Variants in NUP93 observed in about 807,000 individuals in gnomAD.
NUP93 encodes nucleoporin 93, also known as nuclear pore complex protein Nup93.
NUP93 carries 55 observed loss-of-function variants against 107.8 expected under a neutral mutation model. The ratio of observed to expected loss-of-function variants is 0.51; its 90% CI spans 0.41 to 0.64. The LOEUF is 0.64. Ranked by LOEUF, NUP93 falls within the 30% of genes least tolerant of loss-of-function variation. The pLI is 0.00. For missense variants in NUP93, 937 were observed against 1,044.7 expected, an observed-to-expected ratio of 0.90 and a Z score of 1.42; for synonymous variants, 390 against 397.5, an observed-to-expected ratio of 0.98 and a Z score of 0.22.
Position 56,839,701 on chromosome 16 carries a change from T to TA in NUP93, c.2220+98dup, listed in dbSNP as rs3214652. The TA allele has an allele frequency of 0.098, 95,178 of 971,966 alleles. 4,923 individuals carry two copies. The highest frequency in any genetic ancestry group is 0.16 in the East Asian group (5,985 of 38,440). The allele number at this position is 971,966 out of a possible 1,614,324, so 60.2% of individuals were successfully genotyped here. ...ACCTAACAGCTTTAAGAATTCTAGT[T>TA]ACAGTAACTATCCAGACTGAGTTTT... On this transcript the variant is annotated intron_variant, in intron 20 of 21. Transcript: ENST00000308159.
At chr16:56,736,482 A>G (rs1466455715) in intron 1 of NUP93, among the ~76,000 whole-genome samples, 2 of 152,232 alleles carry the variant, frequency 1.3e-5, no homozygotes, top group Non-Finnish European at 1.5e-5. Context: ...CCTGCTTGCT[A>G]TGGAAAAATG....
At chr16:56,809,373 G>A (rs1376717298) in intron 5 of NUP93, among the ~76,000 whole-genome samples, 1 of 151,426 alleles carries the variant, frequency 6.6e-6, no homozygotes, top group Non-Finnish European at 1.5e-5. Flanking sequence ...TAGTGATAAT[G>A]TAAAGCACCT....
intron 3 of NUP93, among the ~76,000 whole-genome samples, chr16:56,776,168 T>C (rs1354469501): frequency 1.3e-5 from 2 of 152,170 alleles, no homozygotes; most frequent in Non-Finnish European, 2.9e-5. Flanking sequence ...TTGAGAAAGC[T>C]ACATTTTATT....
At chr16:56,819,707 T>C (rs1175761368) in intron 6 of NUP93, among the ~76,000 whole-genome samples, 3 of 152,240 alleles carry the variant, frequency 2.0e-5, no homozygotes, top group African/African-American at 7.2e-5. Context: ...CTGCCAGTTA[T>C]TTAGTCAGTG....
At chr16:56,750,489 A>G (rs74246263) in intron 2 of NUP93, among the ~76,000 whole-genome samples, 6,561 of 152,322 alleles carry the variant, frequency 0.043, 205 homozygotes, top group African/African-American at 0.079. Context: ...TATTTGTCCA[A>G]ATACACTGTG....
chr16:56,785,349 C>A (rs1274775789), intron 3 of NUP93, among the ~76,000 whole-genome samples: 1 of 152,058 alleles, frequency 6.6e-6, no homozygotes, highest in Non-Finnish European at 1.5e-5. Flanking sequence ...GACCCAGTTT[C>A]TTCCTGCTTT....
In NUP93 at chr16:56,730,139, G is replaced by A. The variant is rs576691579; in HGVS notation, c.-87G>A. 5 of 152,356 alleles carry A rather than the reference G, an allele frequency of 3.3e-5. No individual in the cohort carries two copies. The highest frequency in any genetic ancestry group is 2.1e-4 in the South Asian group (1 of 4,836). 9.4% of individuals were successfully genotyped at this position (152,356 alleles called of 1,614,324 possible). ...CAGCCTTGGCCAATCAGGAAGCGGG[G>A]GAGAGCGGCGCGAGAAGCGGCGGCC... On this transcript the variant is annotated 5_prime_UTR_variant, in exon 1 of 22. Coordinates refer to ENST00000308159, the MANE Select transcript of NUP93 (RefSeq NM_014669.5).
intron 8 of NUP93, among the ~76,000 whole-genome samples, chr16:56,827,069 A>AAAT (rs1430722800): frequency 1.6e-4 from 20 of 125,704 alleles, no homozygotes; most frequent in Admixed American, 2.8e-4. Context: ...AAAAAAAAAA[A>AAAT]TTTTGTTGAG....
chr16:56,750,628 G>A (rs1961901110), intron 2 of NUP93, among the ~76,000 whole-genome samples: 2 of 152,092 alleles, frequency 1.3e-5, no homozygotes, highest in African/African-American at 4.8e-5. Flanking sequence ...TGTAAATCGG[G>A]TTTTACAGCC....
intron 2 of NUP93, among the ~76,000 whole-genome samples, chr16:56,749,726 G>A (rs572586354): frequency 6.6e-6 from 1 of 152,304 alleles, no homozygotes; most frequent in South Asian, 2.1e-4. Context: ...CAGTAAGGAT[G>A]TTGTGGAAAT....
rs533196065 is a variant in NUP93 at position 56,841,892 on chromosome 16, C to T, written c.2349+59C>T. ...AGCACCACCTTTCTGGTTTGGAATCCGTTGCGCTCTTATGAGACCACATGA... is the reference window on the plus strand; with the variant it reads ...AGCACCACCTTTCTGGTTTGGAATCTGTTGCGCTCTTATGAGACCACATGA... On this transcript the variant is annotated intron_variant, in intron 21 of 21. Coordinates refer to ENST00000308159, the MANE Select transcript of NUP93 (RefSeq NM_014669.5). 2.0e-5 allele frequency: 32 copies of T among 1,598,618 alleles called. No homozygotes were observed. The Admixed American group carries it at 3.4e-4, about 17-fold the overall frequency.
At chr16:56,768,288 G>A (rs1567381146) in intron 3 of NUP93, among the ~76,000 whole-genome samples, 1 of 152,350 alleles carries the variant, frequency 6.6e-6, no homozygotes, top group East Asian at 1.9e-4. Flanking sequence ...TTTTGGCTGG[G>A]CGCAGTGGCT....
intron 4 of NUP93, among the ~76,000 whole-genome samples, chr16:56,805,250 G>A (rs1567396453): frequency 6.6e-6 from 1 of 152,160 alleles, no homozygotes; most frequent in Admixed American, 6.5e-5. Context: ...GTTTTGCCAT[G>A]TTGCCTAAGC....
intron 3 of NUP93, among the ~76,000 whole-genome samples, chr16:56,777,284 C>T (rs1227375072): frequency 6.6e-6 from 1 of 152,144 alleles, no homozygotes; most frequent in Non-Finnish European, 1.5e-5. Flanking sequence ...CACCGAGGTG[C>T]ATTTCGTATC....
At chr16:56,781,349 A>C (rs1457545152) in intron 3 of NUP93, among the ~76,000 whole-genome samples, 1 of 152,230 alleles carries the variant, frequency 6.6e-6, no homozygotes, top group African/African-American at 2.4e-5. Flanking sequence ...GAGGCCAAAC[A>C]TTTAAGATGG....
At chr16:56,740,245 C>T (rs1263240955) in intron 1 of NUP93, among the ~76,000 whole-genome samples, 9 of 144,978 alleles carry the variant, frequency 6.2e-5, no homozygotes, top group East Asian at 4.3e-4. Flanking sequence ...AGCTGCCGGG[C>T]GGAGGGGCTC....
chr16:56,827,069 A>AAAAAAAAAAAAAAAAAAAAAAAAAAAAAT (rs1430722800), intron 8 of NUP93, among the ~76,000 whole-genome samples: 20 of 125,708 alleles, frequency 1.6e-4, no homozygotes, highest in Non-Finnish European at 2.2e-4. Context: ...AAAAAAAAAA[A>AAAAAAAAAAAAAAAAAAAAAAAAAAAAAT]TTTTGTTGAG....
chr16:56,827,402 C>A (rs1428341949), intron 8 of NUP93, among the ~76,000 whole-genome samples: 2 of 152,098 alleles, frequency 1.3e-5, no homozygotes, highest in African/African-American at 4.8e-5. Context: ...AAAGTAAAAC[C>A]GTTGAGTAAA....
At chr16:56,742,376 T>G (rs1440939883) in intron 1 of NUP93, among the ~76,000 whole-genome samples, 1 of 152,170 alleles carries the variant, frequency 6.6e-6, no homozygotes, top group Non-Finnish European at 1.5e-5. Flanking sequence ...CTAAGAAGGG[T>G]TTTTACGTCT....
Sources: allele counts gnomAD v4.1 joint callset (sites outside exome capture counted in the v4.1 genomes callset), GRCh38; gene constraint gnomAD v4.1.1; transcripts MANE v1.5; gene names NCBI Gene and HGNC (gene_info 2026-07-23, HGNC 2026-07-21).